The following FAM135A variants were observed in gnomAD, a reference collection of about 807,000 sequenced individuals.
FAM135A encodes protein FAM135A.
In FAM135A, 79 loss-of-function variants were observed where a neutral mutation model predicts 146.8. That is an observed-to-expected ratio of 0.54 (90% confidence interval 0.45 to 0.65). FAM135A has a LOEUF of 0.65. FAM135A is among the 30% of genes least tolerant of loss of function. FAM135A has a pLI of 0.00. For missense variants in FAM135A, 1,623 were observed against 1,758.2 expected (o/e 0.92, Z 1.38); for synonymous variants, 562 against 603.6 (o/e 0.93, Z 1.01).
At chr6:70,545,778 A>G (rs965793813) in intron 20 of FAM135A, among the ~76,000 whole-genome samples, 2 of 152,198 alleles carry the variant, frequency 1.3e-5, no homozygotes, top group Non-Finnish European at 2.9e-5. Flanking sequence ...TAGGGTAGGA[A>G]TATTGTCCCC....
intron 5 of FAM135A, among the ~76,000 whole-genome samples, chr6:70,453,618 A>G (rs562380072): frequency 9.9e-5 from 15 of 151,684 alleles, no homozygotes; most frequent in Admixed American, 7.2e-4. Context: ...CCTGTGTCCA[A>G]GTGTTCTCAC....
intron 12 of FAM135A, among the ~76,000 whole-genome samples, chr6:70,521,076 A>G (rs561976962): frequency 5.9e-5 from 9 of 152,330 alleles, no homozygotes; most frequent in Admixed American, 1.3e-4. Flanking sequence ...TGAAGATAAT[A>G]TCATCCTAGA....
chr6:70,487,944 A>G (rs548055898), intron 10 of FAM135A, among the ~76,000 whole-genome samples: 3 of 152,266 alleles, frequency 2.0e-5, no homozygotes, highest in Admixed American at 6.5e-5. Context: ...TTTTGTTGAG[A>G]TATCTTTTAT....
intron 5 of FAM135A, among the ~76,000 whole-genome samples, chr6:70,471,797 A>G (rs1001836252): frequency 6.6e-6 from 1 of 152,180 alleles, no homozygotes; most frequent in Non-Finnish European, 1.5e-5. Flanking sequence ...AGTCTGGAGA[A>G]TGATCACAGG....
intron 5 of FAM135A, among the ~76,000 whole-genome samples, chr6:70,453,628 C>T (rs112161948): frequency 0.18 from 26,544 of 151,182 alleles, 2,416 homozygotes; most frequent in Middle Eastern, 0.22. Flanking sequence ...AGTGTTCTCA[C>T]TGTTCAGTTC....
At chr6:70,437,954 A>G (rs1773585489) in intron 4 of FAM135A, among the ~76,000 whole-genome samples, 1 of 152,134 alleles carries the variant, frequency 6.6e-6, no homozygotes, top group Non-Finnish European at 1.5e-5. Context: ...ATTTTTAATC[A>G]TTCTTTCTAT....
chr6:70,452,524 C>T lies in FAM135A; in HGVS notation c.110C>T (p.Pro37Leu). Residue 37 changes from proline (P) to leucine (L), a missense_variant, in exon 5 of 22, where the codon CCA becomes CTA. This residue lies in a region of FAM135A where 171 missense variants were observed against 164.9 expected (regional missense o/e 1.04). Coordinates refer to ENST00000418814, the MANE Select transcript of FAM135A (RefSeq NM_001162529.3). ...FYQIRASMKI[P>L]SRIPHRVEAS... ...CAGATTCGTGCTTCTATGAAAATTCCATCAAGAATTCCCCACAGAGTAGAA... is the reference window on the plus strand; with the variant it reads ...CAGATTCGTGCTTCTATGAAAATTCTATCAAGAATTCCCCACAGAGTAGAA... The T allele has an allele frequency of 6.3e-7, 1 of 1,595,466 alleles. No individual in the cohort carries two copies. The highest frequency in any genetic ancestry group is 8.5e-7 in the Non-Finnish European group (1 of 1,174,574).
chr6:70,472,551 A>G (rs1781823880), intron 5 of FAM135A, among the ~76,000 whole-genome samples: 1 of 152,182 alleles, frequency 6.6e-6, no homozygotes, highest in African/African-American at 2.4e-5. Flanking sequence ...CAAGAAGCTA[A>G]CACTGACACG....
intron 2 of FAM135A, among the ~76,000 whole-genome samples, chr6:70,424,812 G>A (rs951096958): frequency 2.0e-5 from 3 of 152,110 alleles, no homozygotes; most frequent in Non-Finnish European, 4.4e-5. Flanking sequence ...ATGGGCACTA[G>A]TTTTGCAGAT....
chr6:70,527,765 CCT>C (rs966191912), intron 15 of FAM135A, among the ~76,000 whole-genome samples: 4 of 152,118 alleles, frequency 2.6e-5, no homozygotes, highest in Non-Finnish European at 5.9e-5. Flanking sequence ...GTCACATTCC[CCT>C]CTTCGTTCTG....
intron 20 of FAM135A, among the ~76,000 whole-genome samples, chr6:70,538,834 T>C (rs1797286084): frequency 6.8e-6 from 1 of 146,566 alleles, no homozygotes; most frequent in South Asian, 2.1e-4. Flanking sequence ...TATTATATTA[T>C]ATTATATTAT....
intron 2 of FAM135A, chr6:70,417,646 A>T (rs1767853269): frequency 5.1e-6 from 5 of 985,048 alleles, no homozygotes; most frequent in Non-Finnish European, 6.0e-6. Context: ...TGTTTCATTC[A>T]TGATTGTTTT....
At chr6:70,492,238 T>C (rs1295113296) in intron 11 of FAM135A, among the ~76,000 whole-genome samples, 1 of 151,862 alleles carries the variant, frequency 6.6e-6, no homozygotes, top group African/African-American at 2.4e-5. Context: ...GTCACTATTA[T>C]GTTTAATAAC....
intron 20 of FAM135A, among the ~76,000 whole-genome samples, chr6:70,552,726 C>T (rs2128490927): frequency 6.6e-6 from 1 of 152,032 alleles, no homozygotes. Flanking sequence ...GCTCGGCCTC[C>T]CAAAGTGCTA....
Position 70,524,056 on chromosome 6 carries a change from T to G in FAM135A, c.1193T>G (p.Leu398Ter). 1 of 1,612,910 alleles carries G rather than the reference T, an allele frequency of 6.2e-7. No individual in the cohort carries two copies. ...LPPLPIECSELDGDLNSLPII... is the reference protein window; with the variant it reads ...LPPLPIECSE ...CCCTTACCTATTGAATGTAGTGAATTAGATGGAGATCTCAATTCATTACCT... is the reference window on the plus strand; with the variant it reads ...CCCTTACCTATTGAATGTAGTGAATGAGATGGAGATCTCAATTCATTACCT... Residue 398 changes from leucine (L) to a stop codon, truncating the protein, a stop_gained, in exon 14 of 22, where the codon TTA becomes TGA. Transcript: ENST00000418814. LOFTEE classifies it high-confidence loss of function.
At chr6:70,449,979 T>A (rs972078997) in intron 4 of FAM135A, among the ~76,000 whole-genome samples, 1 of 152,194 alleles carries the variant, frequency 6.6e-6, no homozygotes, top group African/African-American at 2.4e-5. Flanking sequence ...GTGATTCTTA[T>A]GGTATTGATT....
At chr6:70,455,381 TACACACAC>T (rs34915267) in intron 5 of FAM135A, among the ~76,000 whole-genome samples, 32 of 146,156 alleles carry the variant, frequency 2.2e-4, no homozygotes, top group East Asian at 4.1e-4. Context: ...TTATGACAAA[TACACACAC>T]ACACACACAC....
intron 12 of FAM135A, among the ~76,000 whole-genome samples, chr6:70,518,048 G>A (rs1490151454): frequency 6.6e-6 from 1 of 152,178 alleles, no homozygotes; most frequent in East Asian, 1.9e-4. Context: ...AGGGAGGAAG[G>A]CATGTCGAAA....
chr6:70,536,332 C>T lies in FAM135A; in HGVS notation c.4038C>T (p.Leu1346=), dbSNP rs761140958. The change falls in exon 19 of 22, where the codon CTC becomes CTT. Residue 1346 remains leucine, a synonymous_variant. Transcript: ENST00000418814. ...CAAGGCCAAGGTTTAAATATTACCT[C>T]AACAAACTTCATACCTTTCTGTCTC... ...VLTRPRFKYY[L]NKLHTFLSLS... The T allele has an allele frequency of 1.2e-6, 2 of 1,613,404 alleles. No homozygotes were observed. The highest frequency in any genetic ancestry group is 8.5e-7 in the Non-Finnish European group (1 of 1,179,666).
Sources: allele counts gnomAD v4.1 joint callset (sites outside exome capture counted in the v4.1 genomes callset), GRCh38; gene constraint gnomAD v4.1.1; regional missense constraint gnomAD v4.1.1; transcripts MANE v1.5; gene names NCBI Gene and HGNC (gene_info 2026-07-23, HGNC 2026-07-21).